The following RRP12 variants were observed in gnomAD, a reference collection of about 807,000 sequenced individuals.
RRP12 encodes the protein RRP12-like protein.
In RRP12, 78 loss-of-function variants were observed where a neutral mutation model predicts 157.3. The observed-to-expected ratio is 0.50, with a 90% CI of 0.41 to 0.60. RRP12 has a LOEUF of 0.60. RRP12 is among the 20% of genes least tolerant of loss of function. The pLI, the probability that RRP12 is intolerant of heterozygous loss-of-function variation, is 0.00. For synonymous variants in RRP12, 726 were observed against 670.9 expected (o/e 1.08, Z -1.27); for missense variants, 1,521 against 1,679.9 (o/e 0.91, Z 1.65).
At chr10:97,361,577 C>T (rs972235590) in intron 30 of RRP12, among the ~76,000 whole-genome samples, 3 of 152,236 alleles carry the variant, frequency 2.0e-5, no homozygotes, top group African/African-American at 7.2e-5. Flanking sequence ...CTGCAGCACA[C>T]ACAGGGTGTG....
At chr10:97,386,818 G>A (rs541227541) in intron 8 of RRP12, among the ~76,000 whole-genome samples, 41 of 152,242 alleles carry the variant, frequency 2.7e-4, no homozygotes, top group South Asian at 4.1e-4. Flanking sequence ...GTGAAACCCC[G>A]TGTCTACTAA....
chr10:97,387,025 C>T (rs1003193680), intron 8 of RRP12, among the ~76,000 whole-genome samples: 7 of 151,742 alleles, frequency 4.6e-5, no homozygotes, highest in African/African-American at 1.2e-4. Context: ...AGTGAGTTGG[C>T]GGGGGTATCT....
rs1017686357 is a variant in RRP12 at position 97,386,001 on chromosome 10, G to A, written c.1018-8C>T. 1.3e-6 allele frequency: 2 copies of A among 1,567,146 alleles called. No homozygotes were observed. The highest frequency in any genetic ancestry group is 2.3e-5 in the South Asian group (2 of 86,246). Reference sequence around the variant, plus strand: ...GGCACAGGCTGTCACCAGCTGGAGGGGGACACACAGGCTTAGAAAGGAACT... The same window carrying A: ...GGCACAGGCTGTCACCAGCTGGAGGAGGACACACAGGCTTAGAAAGGAACT... On this transcript the variant is annotated splice_polypyrimidine_tract_variant and splice_region_variant and intron_variant, in intron 8 of 33. Transcript: ENST00000370992.
Position 97,388,109 on chromosome 10 carries a change from A to C in RRP12, c.1017+143T>G, listed in dbSNP as rs1301409943. Reference sequence around the variant, plus strand: ...ATGGCCTGGCCTAGCCAAACACCACAGAGTAACGTAGTGCTGTTGGTTTTA... The same window carrying C: ...ATGGCCTGGCCTAGCCAAACACCACCGAGTAACGTAGTGCTGTTGGTTTTA... On this transcript the variant is annotated intron_variant, in intron 8 of 33. Coordinates refer to ENST00000370992, the MANE Select transcript of RRP12 (RefSeq NM_015179.4). 11 of 1,045,418 alleles carry C rather than the reference A, an allele frequency of 1.1e-5. No homozygotes were observed. The East Asian group carries it at 2.7e-4, about 26-fold the overall frequency. The allele number at this position is 1,045,418 out of a possible 1,614,324, so 64.8% of individuals were successfully genotyped here. A position where few individuals can be genotyped will look rare whatever the true frequency, so the allele number is the denominator to read the frequency against.
chr10:97,372,945 C>G, intron 18 of RRP12, 101 bp downstream of exon 18: 1 of 1,465,356 alleles, frequency 6.8e-7, no homozygotes, highest in South Asian at 1.2e-5. Flanking sequence ...CTCCAAAACA[C>G]AGAGACCCAC....
chr10:97,398,931 T>C (rs1171263081), intron 2 of RRP12, among the ~76,000 whole-genome samples: 1 of 152,108 alleles, frequency 6.6e-6, no homozygotes, highest in East Asian at 1.9e-4. Flanking sequence ...TGATTATACA[T>C]TGAAGTGATA....
At chr10:97,385,397 C>T in intron 9 of RRP12, 140 bp from the exon 10 acceptor site, 1 of 654,768 alleles carries the variant, frequency 1.5e-6, no homozygotes, top group Non-Finnish European at 2.7e-6. Context: ...CTTGGCTTTC[C>T]CAGCTCCTGC....
chr10:97,392,880 G>A (rs921869942), intron 4 of RRP12, among the ~76,000 whole-genome samples: 5 of 151,062 alleles, frequency 3.3e-5, no homozygotes, highest in Non-Finnish European at 7.4e-5. Context: ...TAGTAGGGAC[G>A]GGGTTTCACC....
chr10:97,366,212 C>A lies in RRP12; in HGVS notation c.3413G>T (p.Arg1138Leu). 1 of 1,611,600 alleles carries A rather than the reference C, an allele frequency of 6.2e-7. No homozygotes were observed. Among genetic ancestry groups the A allele is most frequent in the Non-Finnish European group, 8.5e-7 (1 of 1,179,982 alleles). Residue 1138 changes from arginine to leucine, a missense_variant, in exon 29 of 34, where the codon CGG becomes CTG. By Grantham distance (102) the Arg-to-Leu change is moderately radical. Coordinates refer to ENST00000370992, the MANE Select transcript of RRP12 (RefSeq NM_015179.4). ...RVLATQPGPG[R>L]GRKKDHGFKV... is the part of the protein sequence containing the mutation. ...GAAGCCGTGGTCCTTCTTCCTGCCC[C>A]GGCCTGGCCCTGGCTGCGTGGCTGG...
intron 4 of RRP12, 144 bp downstream of exon 4, chr10:97,393,540 G>A (rs1417130505): frequency 1.4e-6 from 1 of 728,542 alleles, no homozygotes; most frequent in East Asian, 2.5e-5. Flanking sequence ...GTCACATGCT[G>A]GCCCATTCTG....
Position 97,388,357 on chromosome 10 carries a change from C to T in RRP12, c.912G>A (p.Thr304=), listed in dbSNP as rs199834765. ...CCTTCAGCAGCGTCAGCATGTGCAG[C>T]GTGGTGGTGGCCTCCTTGGAGCCTG... ...KSGGSKEATT[T]LHMLTLLKDL... The change falls in exon 8 of 34, where the codon ACG becomes ACA. Residue 304 remains threonine, a synonymous_variant. Coordinates refer to ENST00000370992, the MANE Select transcript of RRP12 (RefSeq NM_015179.4). 14 of 1,613,926 alleles carry T rather than the reference C, an allele frequency of 8.7e-6. No homozygotes were observed. Among genetic ancestry groups the T allele is most frequent in the East Asian group, 2.2e-5 (1 of 44,888 alleles).
At chr10:97,360,833 C>T (rs1843824539) in intron 30 of RRP12, among the ~76,000 whole-genome samples, 1 of 152,182 alleles carries the variant, frequency 6.6e-6, no homozygotes, top group African/African-American at 2.4e-5. Flanking sequence ...AAGCTCTGGC[C>T]ATGTCCTGAC....
At chr10:97,396,751 T>C (rs1844975579) in intron 2 of RRP12, among the ~76,000 whole-genome samples, 1 of 152,094 alleles carries the variant, frequency 6.6e-6, no homozygotes. Context: ...GTATAACCTA[T>C]ATACATCTTC....
In RRP12 at chr10:97,377,669, A is replaced by G. The variant is rs140018219; in HGVS notation, c.1798+1624T>C. The stretch of plus-strand genomic sequence containing the variant: ...AGACCAGCCTGGCCAACATGGTGAA[A>G]CCCCATCTATACTAAAAATACAAAA... On this transcript the variant is annotated intron_variant, in intron 15 of 33. Coordinates refer to ENST00000370992, the MANE Select transcript of RRP12 (RefSeq NM_015179.4). 9.1e-3 allele frequency among the ~76,000 whole-genome samples: 1,375 copies of G among 151,316 alleles called. 26 individuals carry two copies. The highest frequency in any genetic ancestry group is 0.032 in the African/African-American group (1,302 of 41,158).
intron 20 of RRP12, chr10:97,371,341 C>T: frequency 1.9e-6 from 1 of 522,266 alleles, no homozygotes; most frequent in Non-Finnish European, 3.4e-6. Context: ...GGCCTGAGCT[C>T]ATGGTGCCTG....
chr10:97,358,834 G>C (rs1304992716), intron 32 of RRP12, 109 bp downstream of exon 32: 1 of 927,856 alleles, frequency 1.1e-6, no homozygotes, highest in East Asian at 2.5e-5. Flanking sequence ...GGCCTCAGTT[G>C]AGTTCCAGGA....
Position 97,370,254 on chromosome 10 carries a change from C to G in RRP12, c.2710G>C (p.Val904Leu). ...NQEEALQCYL[V>L]LIYPGLVGAV... ...CCCACCAGGCCAGGGTAGATCAGGA[C>G]GAGGTAGCACTGCAGGGCCTCTGGG... Residue 904 changes from valine (V) to leucine (L), a missense_variant, in exon 24 of 34, where the codon GTC (valine) becomes CTC (leucine). Physicochemically the swap from Val to Leu is conservative, Grantham distance 32. Coordinates refer to ENST00000370992, the MANE Select transcript of RRP12 (RefSeq NM_015179.4). The G allele has an allele frequency of 6.3e-7, 1 of 1,598,472 alleles. No homozygotes were observed. The highest frequency in any genetic ancestry group is 8.5e-7 in the Non-Finnish European group (1 of 1,173,086).
rs1198187617 is a variant in RRP12, at chr10:97,388,398, A to G, written c.890-19T>C. ...TTGGAGCCTGGTATACAGAAGAGGA[A>G]TTGAGACACCAGCCCCGCCCTACCG... On this transcript the variant is annotated intron_variant, in intron 7 of 33. Coordinates refer to ENST00000370992, the MANE Select transcript of RRP12 (RefSeq NM_015179.4). 3.7e-6 allele frequency: 6 copies of G among 1,613,388 alleles called. No individual in the cohort carries two copies. The highest frequency in any genetic ancestry group is 1.7e-5 in the Admixed American group (1 of 59,952).
Position 97,357,163 on chromosome 10 carries a change from G to GCC in RRP12, c.3823_3824dup (p.Leu1276AlafsTer3). 6.2e-7 allele frequency: 1 copy of GCC among 1,612,808 alleles called. No individual in the cohort carries two copies. The highest frequency in any genetic ancestry group is 8.5e-7 in the Non-Finnish European group (1 of 1,179,114). ...AACCTCGCCGGGCAGCCTTCACCAG[G>GCC]CCTTTGAACTGTCCCTGCAGCTTCA... On this transcript the variant is annotated frameshift_variant, in exon 34 of 34. Coordinates refer to ENST00000370992, the MANE Select transcript of RRP12 (RefSeq NM_015179.4). LOFTEE classifies it high-confidence loss of function.
Sources: gnomAD v4.1 joint callset for allele counts (sites outside exome capture counted in the v4.1 genomes callset) on GRCh38, gnomAD v4.1.1 for gene constraint, MANE v1.5 for transcripts, NCBI Gene and HGNC (gene_info 2026-07-23, HGNC 2026-07-21) for gene names.